Variants in LDB2 observed in about 807,000 individuals in gnomAD.
LDB2 encodes the protein LIM domain binding 2.
Under a neutral mutation model 44.3 loss-of-function variants are expected in LDB2, and 12 were observed. The ratio of observed to expected loss-of-function variants is 0.27; its 90% CI spans 0.17 to 0.44. The LOEUF is 0.44. Ranked by LOEUF, LDB2 falls within the 20% of genes least tolerant of loss-of-function variation. LDB2 has a pLI of 1.00. For missense variants in LDB2, 344 were observed against 473.5 expected, an observed-to-expected ratio of 0.73 and a Z score of 2.54; for synonymous variants, 164 against 174.8, an observed-to-expected ratio of 0.94 and a Z score of 0.49.
chr4:16,667,642 G>A (rs1743647389), intron 2 of LDB2, among the ~76,000 whole-genome samples: 1 of 152,214 alleles, frequency 6.6e-6, no homozygotes, highest in South Asian at 2.1e-4. Flanking sequence ...CTGCAAGGCT[G>A]ACTCATGGAT....
chr4:16,849,863 A>G (rs1241568645), intron 1 of LDB2, among the ~76,000 whole-genome samples: 1 of 152,040 alleles, frequency 6.6e-6, no homozygotes, highest in Non-Finnish European at 1.5e-5. Context: ...TCCCTCTTAC[A>G]TTTCATCTCT....
In LDB2 at chr4:16,746,589, T is replaced by C. The variant is rs113526062; in HGVS notation, c.235+12569A>G. Among the ~76,000 whole-genome samples the C allele has an allele frequency of 6.5e-3, 990 of 152,164 alleles. 7 individuals carry two copies. Among genetic ancestry groups the C allele is most frequent in the African/African-American group, 0.022 (925 of 41,514 alleles). On this transcript the variant is annotated intron_variant, in intron 2 of 7. Coordinates refer to ENST00000304523, the MANE Select transcript of LDB2 (RefSeq NM_001290.5). ...CTCACTGGATGTCAGGAGTTTGAGATCAGCCTGGCCAACATGGTGAAACCC... is the reference window on the plus strand; with the variant it reads ...CTCACTGGATGTCAGGAGTTTGAGACCAGCCTGGCCAACATGGTGAAACCC...
chr4:16,825,962 A>G (rs1053043096), intron 1 of LDB2, among the ~76,000 whole-genome samples: 20 of 151,756 alleles, frequency 1.3e-4, no homozygotes, highest in African/African-American at 4.6e-4. Flanking sequence ...TATGTATAAT[A>G]CGTCATGTAT....
chr4:16,727,497 G>T (rs1210396191), intron 2 of LDB2, among the ~76,000 whole-genome samples: 1 of 152,034 alleles, frequency 6.6e-6, no homozygotes, highest in Non-Finnish European at 1.5e-5. Context: ...GAAGACTCGA[G>T]CATGGGGAAT....
chr4:16,807,627 C>T (rs1227836384), intron 1 of LDB2, among the ~76,000 whole-genome samples: 2 of 152,204 alleles, frequency 1.3e-5, no homozygotes, highest in Admixed American at 1.3e-4. Flanking sequence ...ATTTGCTATA[C>T]TGCAGAAAAC....
chr4:16,825,963 C>T (rs158270), intron 1 of LDB2, among the ~76,000 whole-genome samples: 58,359 of 151,150 alleles, frequency 0.39, 11,767 homozygotes, highest in East Asian at 0.67. Context: ...ATGTATAATA[C>T]GTCATGTATA....
chr4:16,532,529 T>C (rs1313180666), intron 5 of LDB2, among the ~76,000 whole-genome samples: 2 of 152,212 alleles, frequency 1.3e-5, no homozygotes, highest in Admixed American at 1.3e-4. Context: ...TCCTATTCTT[T>C]CGTGCCAGCT....
At chr4:16,848,085 G>A (rs1176194951) in intron 1 of LDB2, among the ~76,000 whole-genome samples, 1 of 152,186 alleles carries the variant, frequency 6.6e-6, no homozygotes, top group Non-Finnish European at 1.5e-5. Context: ...ATGCTGAAAG[G>A]TATTTATTTT....
rs373702543 is a variant in LDB2 at position 16,534,919 on chromosome 4, A to G, written c.616-22815T>C. ...GCATGGCCACCCCATCCTAGTGTCC[A>G]GACCCAAACTACATACTAAGAAGTG... On this transcript the variant is annotated intron_variant, in intron 5 of 7. Transcript: ENST00000304523. Among the ~76,000 whole-genome samples the G allele has an allele frequency of 5.9e-5, 9 of 152,318 alleles. No individual in the cohort carries two copies. The East Asian group carries it at 1.7e-3, about 29-fold the overall frequency.
intron 2 of LDB2, among the ~76,000 whole-genome samples, chr4:16,700,850 TA>T (rs1753278314): frequency 6.6e-6 from 1 of 152,192 alleles, no homozygotes. Context: ...TAGATCAGAA[TA>T]AATGTTCTCA....
At chr4:16,509,349 A>G (rs1720810041) in intron 6 of LDB2, among the ~76,000 whole-genome samples, 1 of 152,200 alleles carries the variant, frequency 6.6e-6, no homozygotes, top group Admixed American at 6.5e-5. Context: ...TGCTAGAAAA[A>G]AATATGTCTG....
At chr4:16,629,807 C>T (rs761549786) in intron 2 of LDB2, among the ~76,000 whole-genome samples, 1 of 151,650 alleles carries the variant, frequency 6.6e-6, no homozygotes, top group African/African-American at 2.4e-5. Flanking sequence ...GCTTCAATAG[C>T]CGATTCAATC....
intron 1 of LDB2, among the ~76,000 whole-genome samples, chr4:16,790,226 G>A (rs922386735): frequency 3.9e-5 from 6 of 152,192 alleles, no homozygotes; most frequent in African/African-American, 1.4e-4. Context: ...AGGCTGATGA[G>A]TTTAGCCAGC....
At chr4:16,716,022 G>A (rs1757006456) in intron 2 of LDB2, among the ~76,000 whole-genome samples, 1 of 151,970 alleles carries the variant, frequency 6.6e-6, no homozygotes. Flanking sequence ...TAACTTCTTA[G>A]GCTTATATGT....
chr4:16,546,589 A>AT (rs1338260168), intron 5 of LDB2, among the ~76,000 whole-genome samples: 37 of 152,186 alleles, frequency 2.4e-4, no homozygotes, highest in African/African-American at 8.9e-4. Flanking sequence ...CAGCTTGCAC[A>AT]TGGTATGACA....
intron 2 of LDB2, among the ~76,000 whole-genome samples, chr4:16,628,573 T>C (rs1730963771): frequency 1.3e-5 from 2 of 152,180 alleles, no homozygotes; most frequent in South Asian, 2.1e-4. Context: ...TTAAATCTTT[T>C]TTTTTTTTGT....
At chr4:16,608,623 T>C (rs1397682705) in intron 2 of LDB2, among the ~76,000 whole-genome samples, 1 of 152,202 alleles carries the variant, frequency 6.6e-6, no homozygotes, top group East Asian at 1.9e-4. Flanking sequence ...ACGTCACTAA[T>C]GTCTCTCATA....
intron 1 of LDB2, among the ~76,000 whole-genome samples, chr4:16,761,020 T>C (rs998072679): frequency 1.3e-5 from 2 of 151,774 alleles, no homozygotes; most frequent in African/African-American, 4.8e-5. Flanking sequence ...TTTTTTTTTT[T>C]CTCTTCAATA....
chr4:16,749,590 ATAT>A (rs1561092132), intron 2 of LDB2, among the ~76,000 whole-genome samples: 40 of 135,962 alleles, frequency 2.9e-4, no homozygotes, highest in South Asian at 8.9e-4. Flanking sequence ...ATAAAAAAAA[ATAT>A]ATATATATAT....
Sources: gnomAD v4.1 joint callset for allele counts (sites outside exome capture counted in the v4.1 genomes callset) on GRCh38, gnomAD v4.1.1 for gene constraint, MANE v1.5 for transcripts, NCBI Gene and HGNC (gene_info 2026-07-23, HGNC 2026-07-21) for gene names.